The following SLC8A1 variants were observed in gnomAD, a reference collection of about 807,000 sequenced individuals.
SLC8A1 encodes the protein solute carrier family 8 member A1.
Under a neutral mutation model 68.3 loss-of-function variants are expected in SLC8A1, and 18 were observed. The observed-to-expected ratio is 0.26, with a 90% CI of 0.18 to 0.39. The LOEUF (loss-of-function observed/expected upper bound fraction) is 0.39, where lower values mean the gene tolerates loss of function less well. SLC8A1 is among the 10% of genes least tolerant of loss of function. The pLI, the probability that SLC8A1 is intolerant of heterozygous loss-of-function variation, is 1.00. For synonymous variants in SLC8A1, 475 were observed against 415.5 expected, an observed-to-expected ratio of 1.14 and a Z score of -1.74; for missense variants, 985 against 1,156.7, an observed-to-expected ratio of 0.85 and a Z score of 2.15.
chr2:40,110,785 T>G (rs1558386943), exon 8 of SLC8A1: 1 of 152,094 alleles, frequency 6.6e-6, no homozygotes. Flanking sequence ...AGCCCAAAAA[T>G]ATTAAAAGAA....
chr2:40,457,506 G>A (rs1703091866), intron 1 of SLC8A1, among the ~76,000 whole-genome samples: 1 of 152,128 alleles, frequency 6.6e-6, no homozygotes, highest in African/African-American at 2.4e-5. Flanking sequence ...GAAACCTAAG[G>A]GGAAAATTGA....
Position 40,318,611 on chromosome 2 carries a change from G to A in SLC8A1, c.1808+109862C>T, listed in dbSNP as rs72796686. Among the ~76,000 whole-genome samples the A allele has an allele frequency of 2.9e-3, 443 of 152,168 alleles. 2 individuals are homozygous for A. The highest frequency in any genetic ancestry group is 0.01 in the Middle Eastern group (3 of 294). On this transcript the variant is annotated intron_variant, in intron 2 of 7. Coordinates refer to ENST00000406785, the Ensembl canonical transcript of SLC8A1. ...TTATACAAACTGCCTCCAACCATATGGAGTATAGTGCCCCCTATAAATGTA... is the reference window on the plus strand; with the variant it reads ...TTATACAAACTGCCTCCAACCATATAGAGTATAGTGCCCCCTATAAATGTA...
At chr2:40,507,408 G>A (rs1706442400) in intron 1 of SLC8A1, among the ~76,000 whole-genome samples, 1 of 151,862 alleles carries the variant, frequency 6.6e-6, no homozygotes, top group East Asian at 1.9e-4. Flanking sequence ...TTCATAAAGA[G>A]CATTTAATGT....
At chr2:40,128,336 C>A (rs1285091856) in intron 7 of SLC8A1, among the ~76,000 whole-genome samples, 3 of 152,164 alleles carry the variant, frequency 2.0e-5, no homozygotes, top group Non-Finnish European at 4.4e-5. Flanking sequence ...TCTTCTCTTG[C>A]ATTTAGCAAC....
At chr2:40,506,740 T>A (rs1186199793) in intron 1 of SLC8A1, among the ~76,000 whole-genome samples, 2 of 151,948 alleles carry the variant, frequency 1.3e-5, no homozygotes, top group Admixed American at 6.6e-5. Context: ...CAGTAGATAT[T>A]TATCTTTTTA....
chr2:40,314,458 A>G (rs1021059254), intron 2 of SLC8A1, among the ~76,000 whole-genome samples: 1 of 151,886 alleles, frequency 6.6e-6, no homozygotes, highest in Non-Finnish European at 1.5e-5. Context: ...CTTTTTTTCC[A>G]GTGGTATTTT....
intron 2 of SLC8A1, among the ~76,000 whole-genome samples, chr2:40,317,178 C>A (rs1351841879): frequency 6.6e-6 from 1 of 151,874 alleles, no homozygotes; most frequent in African/African-American, 2.4e-5. Context: ...GGTTAGTTCT[C>A]CCTGACTCAA....
intron 2 of SLC8A1, among the ~76,000 whole-genome samples, chr2:40,340,623 G>A (rs1053679523): frequency 6.6e-6 from 1 of 152,168 alleles, no homozygotes; most frequent in Non-Finnish European, 1.5e-5. Context: ...AGTTACCCAT[G>A]CCCTTCCCAG....
chr2:40,232,425 G>C (rs963899924), intron 2 of SLC8A1, among the ~76,000 whole-genome samples: 7 of 147,458 alleles, frequency 4.7e-5, no homozygotes, highest in Non-Finnish European at 1.1e-4. Context: ...TTTTTTTCAA[G>C]GGATAGCAAG....
intron 2 of SLC8A1, among the ~76,000 whole-genome samples, chr2:40,274,941 T>C (rs2066509109): frequency 6.6e-6 from 1 of 152,200 alleles, no homozygotes; most frequent in African/African-American, 2.4e-5. Context: ...AAAATTATAA[T>C]GGCACAGACT....
chr2:40,293,985 G>T (rs751073672), intron 2 of SLC8A1, among the ~76,000 whole-genome samples: 7 of 152,034 alleles, frequency 4.6e-5, no homozygotes, highest in Non-Finnish European at 8.8e-5. Flanking sequence ...GAAAGTGTTG[G>T]GATCAACAGA....
intron 2 of SLC8A1, chr2:40,250,982 G>C (rs974107683): frequency 6.6e-6 from 1 of 152,114 alleles, no homozygotes; most frequent in East Asian, 1.9e-4. Context: ...TGAAGGCGTC[G>C]GGGGAGAATA....
rs113995129 is a variant in SLC8A1, at chr2:40,273,695, T to A, written c.1809-95840A>T. Among the ~76,000 whole-genome samples the A allele has an allele frequency of 5.7e-3, 872 of 152,270 alleles. 7 individuals carry two copies. Among genetic ancestry groups the A allele is most frequent in the African/African-American group, 0.02 (820 of 41,542 alleles). Reference sequence around the variant, plus strand: ...CCCATTAATCAGCAATTAACTAAAATAAGGTTGTTAAATGACACTACAGTA... The same window carrying A: ...CCCATTAATCAGCAATTAACTAAAAAAAGGTTGTTAAATGACACTACAGTA... On this transcript the variant is annotated intron_variant, in intron 2 of 7. Transcript: ENST00000406785.
At chr2:40,479,689 G>A (rs1704508224) in intron 1 of SLC8A1, among the ~76,000 whole-genome samples, 2 of 152,154 alleles carry the variant, frequency 1.3e-5, no homozygotes, top group Non-Finnish European at 2.9e-5. Flanking sequence ...GGGAAGGTAA[G>A]TACCAAAGTA....
intron 2 of SLC8A1, among the ~76,000 whole-genome samples, chr2:40,198,223 A>C (rs1199659597): frequency 6.6e-6 from 1 of 151,980 alleles, no homozygotes; most frequent in Non-Finnish European, 1.5e-5. Flanking sequence ...TAGGGATTAG[A>C]AGTAAAGGAG....
intron 2 of SLC8A1, among the ~76,000 whole-genome samples, chr2:40,245,328 A>G (rs1298693511): frequency 1.6e-5 from 2 of 125,606 alleles, no homozygotes; most frequent in African/African-American, 3.3e-5. Context: ...AACATATACT[A>G]CGTAGTCACA....
intron 2 of SLC8A1, among the ~76,000 whole-genome samples, chr2:40,293,595 G>A (rs990310954): frequency 2.6e-5 from 4 of 152,046 alleles, no homozygotes; most frequent in Non-Finnish European, 5.9e-5. Context: ...TTAATATCTA[G>A]CTTTACAGGG....
chr2:40,419,357 T>A (rs975460255), intron 2 of SLC8A1, among the ~76,000 whole-genome samples: 1 of 152,156 alleles, frequency 6.6e-6, no homozygotes, highest in African/African-American at 2.4e-5. Flanking sequence ...TCTCATACTG[T>A]CTTCTGTTTG....
intron 3 of SLC8A1, among the ~76,000 whole-genome samples, chr2:40,177,162 TTGA>T (rs1321846895): frequency 6.6e-6 from 1 of 152,142 alleles, no homozygotes; most frequent in Non-Finnish European, 1.5e-5. Context: ...AATGTTGTAT[TTGA>T]TGATATAAAA....
Sources: allele counts gnomAD v4.1 joint callset (sites outside exome capture counted in the v4.1 genomes callset), GRCh38; gene constraint gnomAD v4.1.1; transcripts MANE v1.5; gene names NCBI Gene and HGNC (gene_info 2026-07-23, HGNC 2026-07-21).